EIF3E: variants seen among roughly 807,000 people sequenced by gnomAD.
EIF3E encodes eukaryotic translation initiation factor 3 subunit E, also known as eIF-3 p48.
Under a neutral mutation model 59.3 loss-of-function variants are expected in EIF3E, and 25 were observed. The ratio of observed to expected loss-of-function variants is 0.42; its 90% CI spans 0.31 to 0.59. The LOEUF (loss-of-function observed/expected upper bound fraction) is 0.59. Among genes scored for constraint, EIF3E ranks in the 20% least tolerant of loss-of-function variants. The pLI is 0.15. For missense variants in EIF3E, 317 were observed against 534.3 expected, an observed-to-expected ratio of 0.59 and a Z score of 4.01; for synonymous variants, 176 against 170.2, an observed-to-expected ratio of 1.03 and a Z score of -0.26.
chr8:108,204,831 G>T (rs1481892397), intron 10 of EIF3E, among the ~76,000 whole-genome samples: 1 of 150,224 alleles, frequency 6.7e-6, no homozygotes, highest in Non-Finnish European at 1.5e-5. Context: ...GAGACAGAGG[G>T]AGCAGACCAG....
chr8:108,241,807 A>G lies in EIF3E; in HGVS notation c.197T>C (p.Ile66Thr), dbSNP rs771194839. Residue 66 changes from isoleucine (I) to threonine (T), a missense_variant, in exon 2 of 13, where the codon ATT becomes ACT. Coordinates refer to ENST00000220849, the MANE Select transcript of EIF3E (RefSeq NM_001568.3). ...DVYKNLYSDD[I>T]PHALREKRTT... ...CTAATGACAAAACTTACCATGAGGAATATCATCAGAATAAAGGTTTTTGTA... is the reference window on the plus strand; with the variant it reads ...CTAATGACAAAACTTACCATGAGGAGTATCATCAGAATAAAGGTTTTTGTA... 1 of 1,563,354 alleles carries G rather than the reference A, an allele frequency of 6.4e-7. No individual in the cohort carries two copies. The highest frequency in any genetic ancestry group is 8.6e-7 in the Non-Finnish European group (1 of 1,158,696).
chr8:108,228,091 T>C (rs1815552160), intron 7 of EIF3E, 176 bp downstream of exon 7: 3 of 596,166 alleles, frequency 5.0e-6, no homozygotes, highest in Non-Finnish European at 8.1e-6. Context: ...CTCTGTCAAA[T>C]AGTTTACTTA....
At chr8:108,216,761 C>G (rs1317194771) in intron 8 of EIF3E, among the ~76,000 whole-genome samples, 2 of 152,176 alleles carry the variant, frequency 1.3e-5, no homozygotes, top group Admixed American at 1.3e-4. Context: ...AATTCCTCTA[C>G]TACCAAAAGT....
intron 7 of EIF3E, among the ~76,000 whole-genome samples, chr8:108,218,782 CTTTTTTTTTT>C (rs35642365): frequency 9.0e-6 from 1 of 111,162 alleles, no homozygotes; most frequent in South Asian, 3.0e-4. Context: ...TATTTTATTT[CTTTTTTTTTT>C]TTTTTTTTTG....
At chr8:108,227,510 A>G (rs574064253) in intron 7 of EIF3E, 1 of 152,302 alleles carries the variant, frequency 6.6e-6, no homozygotes, top group South Asian at 2.1e-4. Context: ...CTAGAATAAA[A>G]TTTCAATTAT....
intron 10 of EIF3E, among the ~76,000 whole-genome samples, chr8:108,213,113 G>A (rs1815242244): frequency 6.6e-6 from 1 of 152,090 alleles, no homozygotes; most frequent in African/African-American, 2.4e-5. Flanking sequence ...TAACTTCTTT[G>A]AGCTGCACAT....
intron 10 of EIF3E, among the ~76,000 whole-genome samples, chr8:108,210,634 A>T (rs574991281): frequency 3.3e-5 from 5 of 152,302 alleles, no homozygotes; most frequent in Admixed American, 6.5e-5. Flanking sequence ...TCTAGGGTAC[A>T]TTTGTACAAC....
intron 10 of EIF3E, among the ~76,000 whole-genome samples, chr8:108,211,067 G>A (rs1055495927): frequency 4.6e-5 from 7 of 152,166 alleles, no homozygotes; most frequent in East Asian, 1.9e-4. Context: ...ATGTGTGCAC[G>A]TGTCTTTATA....
intron 10 of EIF3E, among the ~76,000 whole-genome samples, chr8:108,205,073 T>C (rs1815075288): frequency 6.6e-6 from 1 of 152,202 alleles, no homozygotes; most frequent in East Asian, 1.9e-4. Context: ...TGTATGTGTG[T>C]TTATATACTG....
intron 7 of EIF3E, 73 bp downstream of exon 7, chr8:108,228,194 T>C: frequency 7.2e-7 from 1 of 1,380,472 alleles, no homozygotes; most frequent in Non-Finnish European, 9.5e-7. Context: ...TAGAAAAAAG[T>C]ATATTTTAAG....
chr8:108,201,706 A>C lies in EIF3E; in HGVS notation c.*179T>G, dbSNP rs927936559. ...TATTCCAAAAAAGAAAGTTAAAAAA[A>C]CACAAACTTGCACATGCAAGAAAAC... On this transcript the variant is annotated 3_prime_UTR_variant, in exon 13 of 13. Transcript: ENST00000220849. The C allele has an allele frequency of 1.8e-6, 1 of 554,748 alleles. No individual in the cohort carries two copies. Among genetic ancestry groups the C allele is most frequent in the Non-Finnish European group, 2.9e-6 (1 of 347,456 alleles). The allele number at this position is 554,748 out of a possible 1,614,324, so 34.4% of individuals were successfully genotyped here.
At chr8:108,223,775 T>G (rs1265123600) in intron 7 of EIF3E, among the ~76,000 whole-genome samples, 1 of 146,710 alleles carries the variant, frequency 6.8e-6, no homozygotes, top group Non-Finnish European at 1.5e-5. Context: ...ACTTTTCAAA[T>G]GTGTAAATCA....
chr8:108,214,005 C>A (rs1013447280), intron 10 of EIF3E, among the ~76,000 whole-genome samples: 1 of 152,190 alleles, frequency 6.6e-6, no homozygotes, highest in Admixed American at 6.5e-5. Flanking sequence ...CCAAAGGGCA[C>A]TAGTCATTTT....
chr8:108,241,768 G>C, intron 2 of EIF3E, 31 bp downstream of exon 2: 1 of 1,359,576 alleles, frequency 7.4e-7, no homozygotes, highest in Non-Finnish European at 1.0e-6. Flanking sequence ...CAAGTCACAA[G>C]ACAAGTTTCA....
intron 10 of EIF3E, among the ~76,000 whole-genome samples, chr8:108,209,457 T>A (rs1402841166): frequency 6.6e-6 from 1 of 152,138 alleles, no homozygotes; most frequent in African/African-American, 2.4e-5. Context: ...TAACTTCAAA[T>A]ATGAAATTTT....
chr8:108,238,447 T>C (rs1815775856), intron 3 of EIF3E, among the ~76,000 whole-genome samples: 1 of 152,214 alleles, frequency 6.6e-6, no homozygotes, highest in South Asian at 2.1e-4. Context: ...CTTTAAATCA[T>C]CTCTAGATTA....
intron 5 of EIF3E, among the ~76,000 whole-genome samples, chr8:108,230,820 T>A (rs1815609557): frequency 6.6e-6 from 1 of 152,142 alleles, no homozygotes; most frequent in Admixed American, 6.5e-5. Flanking sequence ...ATTCACAGAA[T>A]GAAATACTAC....
intron 10 of EIF3E, among the ~76,000 whole-genome samples, chr8:108,209,395 C>T (rs1353051946): frequency 6.6e-6 from 1 of 151,946 alleles, no homozygotes; most frequent in African/African-American, 2.4e-5. Context: ...CTCATTGTTC[C>T]CCAATGCAGA....
At chr8:108,233,652 G>A (rs1302003548) in intron 5 of EIF3E, 3 of 410,146 alleles carry the variant, frequency 7.3e-6, no homozygotes, top group Non-Finnish European at 1.5e-5. Context: ...GATCAGCCTG[G>A]GCAACATAGC....
Sources: gnomAD v4.1 joint callset for allele counts (sites outside exome capture counted in the v4.1 genomes callset) on GRCh38, gnomAD v4.1.1 for gene constraint, MANE v1.5 for transcripts, NCBI Gene and HGNC (gene_info 2026-07-23, HGNC 2026-07-21) for gene names.